PRLR: variants seen among roughly 807,000 people sequenced by gnomAD.
PRLR encodes the protein prolactin receptor.
Under a neutral mutation model 40.2 loss-of-function variants are expected in PRLR, and 13 were observed. That is an observed-to-expected ratio of 0.32 (90% CI 0.21 to 0.51). The LOEUF (loss-of-function observed/expected upper bound fraction) is 0.51, where lower values mean the gene tolerates loss of function less well. Among genes scored for constraint, PRLR ranks in the 20% least tolerant of loss-of-function variants. The probability of loss-of-function intolerance (pLI) is 0.97; values close to 1 mark genes in which losing one functional copy is unlikely to be tolerated. For missense variants in PRLR, 656 were observed against 747.3 expected, an observed-to-expected ratio of 0.88 and a Z score of 1.42; for synonymous variants, 269 against 278.7, an observed-to-expected ratio of 0.97 and a Z score of 0.35.
chr5:35,174,113 G>A lies in PRLR; in HGVS notation c.-105-55991C>T, dbSNP rs146826545. On this transcript the variant is annotated intron_variant, in intron 1 of 9. Transcript: ENST00000618457. Reference sequence around the variant, plus strand: ...TTTTTTTTTTTTTTTGCTAAGAGACGGAGTCTCACTCTGTCACCCAAGCTA... The same window carrying A: ...TTTTTTTTTTTTTTTGCTAAGAGACAGAGTCTCACTCTGTCACCCAAGCTA... 1.2e-3 allele frequency among the ~76,000 whole-genome samples: 182 copies of A among 148,846 alleles called. 1 individual carries two copies. In the East Asian group the frequency reaches 0.029, roughly 24 times the overall value.
chr5:35,087,962 G>A (rs573587371), intron 3 of PRLR, among the ~76,000 whole-genome samples: 12 of 152,308 alleles, frequency 7.9e-5, no homozygotes, highest in African/African-American at 2.9e-4. Context: ...AGCACCTCCG[G>A]GGGTTCTCTC....
intron 2 of PRLR, among the ~76,000 whole-genome samples, chr5:35,108,789 C>T (rs1201110163): frequency 6.6e-6 from 1 of 152,144 alleles, no homozygotes. Flanking sequence ...GGCCATACTG[C>T]CCAAAGTAAT....
intron 1 of PRLR, among the ~76,000 whole-genome samples, chr5:35,213,118 A>G (rs1323075344): frequency 2.0e-5 from 3 of 152,188 alleles, no homozygotes; most frequent in African/African-American, 7.2e-5. Context: ...ATCATATCCT[A>G]TCTAAAATTC....
intron 1 of PRLR, among the ~76,000 whole-genome samples, chr5:35,220,722 A>G (rs142133168): frequency 1.5e-4 from 23 of 152,268 alleles, no homozygotes; most frequent in African/African-American, 5.5e-4. Flanking sequence ...TGCCCATGAT[A>G]GTTGACTAAC....
chr5:35,104,597 C>T lies in PRLR; in HGVS notation c.-44+13464G>A, dbSNP rs184905711. ...TATCCTGCCCCTGACTCGGAGGGTCCTATGCCCACGGAGCCTCGCTCACTG... is the reference window on the plus strand; with the variant it reads ...TATCCTGCCCCTGACTCGGAGGGTCTTATGCCCACGGAGCCTCGCTCACTG... On this transcript the variant is annotated intron_variant, in intron 2 of 9. Coordinates refer to ENST00000618457, the MANE Select transcript of PRLR (RefSeq NM_000949.7). 2.4e-4 allele frequency among the ~76,000 whole-genome samples: 36 copies of T among 152,242 alleles called. 2 individuals are homozygous for T. The East Asian group carries it at 6.6e-3, about 28-fold the overall frequency.
At chr5:35,224,140 T>C (rs1587610) in intron 1 of PRLR, among the ~76,000 whole-genome samples, 89,116 of 151,926 alleles carry the variant, frequency 0.59, 27,545 homozygotes, top group Non-Finnish European at 0.7. Flanking sequence ...GGGCTCCCCA[T>C]CCCTAGAAGA....
At chr5:35,068,704 A>C in intron 8 of PRLR, 75 bp downstream of exon 8, 1 of 1,153,182 alleles carries the variant, frequency 8.7e-7, no homozygotes, top group Non-Finnish European at 1.3e-6. Context: ...GGTTTCCATC[A>C]TCTTTGTATT....
chr5:35,162,360 T>C (rs1478061574), intron 1 of PRLR, among the ~76,000 whole-genome samples: 1 of 152,214 alleles, frequency 6.6e-6, no homozygotes, highest in Non-Finnish European at 1.5e-5. Context: ...CTCAAATTCA[T>C]AGGGCTCAAC....
chr5:35,181,598 C>G (rs1775299321), intron 1 of PRLR, among the ~76,000 whole-genome samples: 1 of 152,170 alleles, frequency 6.6e-6, no homozygotes, highest in African/African-American at 2.4e-5. Context: ...TTCATAACAT[C>G]AGAACTCATT....
intron 2 of PRLR, among the ~76,000 whole-genome samples, chr5:35,117,368 G>A (rs1773085130): frequency 6.6e-6 from 1 of 152,154 alleles, no homozygotes; most frequent in Non-Finnish European, 1.5e-5. Context: ...AACTTCCTCT[G>A]AATGAGAGAG....
At chr5:35,077,395 G>T (rs564501744) in intron 5 of PRLR, among the ~76,000 whole-genome samples, 1 of 152,102 alleles carries the variant, frequency 6.6e-6, no homozygotes, top group Non-Finnish European at 1.5e-5. Flanking sequence ...AAAAGCAGGG[G>T]TTGCAATCCT....
chr5:35,071,686 C>T (rs1379261101), intron 6 of PRLR, among the ~76,000 whole-genome samples: 1 of 152,146 alleles, frequency 6.6e-6, no homozygotes, highest in Non-Finnish European at 1.5e-5. Flanking sequence ...AAATCTCTGC[C>T]TCCCAGGTTT....
intron 1 of PRLR, among the ~76,000 whole-genome samples, chr5:35,200,868 C>T (rs894738380): frequency 4.6e-5 from 7 of 152,124 alleles, no homozygotes; most frequent in East Asian, 1.9e-4. Context: ...CACAGATGAA[C>T]GGAGGCAGGG....
At chr5:35,155,278 C>T (rs897476561) in intron 1 of PRLR, among the ~76,000 whole-genome samples, 4 of 152,176 alleles carry the variant, frequency 2.6e-5, no homozygotes, top group African/African-American at 9.7e-5. Flanking sequence ...GATAGATCTA[C>T]ACTCTCTTGT....
chr5:35,224,215 T>C (rs556092491), intron 1 of PRLR, among the ~76,000 whole-genome samples: 3 of 152,236 alleles, frequency 2.0e-5, no homozygotes, highest in Admixed American at 2.0e-4. Flanking sequence ...TCTGTGCCTC[T>C]GTACTTTCTC....
chr5:35,086,318 A>G lies in PRLR; in HGVS notation c.93T>C (p.Pro31=). The G allele has an allele frequency of 6.2e-7, 1 of 1,612,422 alleles. No homozygotes were observed. Among genetic ancestry groups the G allele is most frequent in the South Asian group, 1.1e-5 (1 of 91,042 alleles). ...LLNGQLPPGK[P]EIFKCRSPNK... ...TGGGAGAACGACATTTAAAGATCTC[A>G]GGTTTTCCAGGAGGTAACTGTCCTA... Residue 31 remains proline, a synonymous_variant, in exon 4 of 10, where the codon CCT becomes CCC. Coordinates refer to ENST00000618457, the MANE Select transcript of PRLR (RefSeq NM_000949.7).
intron 6 of PRLR, among the ~76,000 whole-genome samples, chr5:35,071,085 A>G (rs61563078): frequency 0.1 from 15,705 of 152,154 alleles, 1,327 homozygotes; most frequent in African/African-American, 0.23. Flanking sequence ...TCAACCAGAT[A>G]GTTTTTGACA....
chr5:35,189,153 G>A (rs1031313033), intron 1 of PRLR, among the ~76,000 whole-genome samples: 1 of 152,162 alleles, frequency 6.6e-6, no homozygotes, highest in Non-Finnish European at 1.5e-5. Flanking sequence ...TGCAAGCCAA[G>A]TAACACTAAG....
chr5:35,078,944 C>A (rs951820832), intron 5 of PRLR, among the ~76,000 whole-genome samples: 1 of 152,116 alleles, frequency 6.6e-6, no homozygotes, highest in Non-Finnish European at 1.5e-5. Context: ...AGAAACAGAA[C>A]CAAAGACAAA....
Sources: gnomAD v4.1 joint callset for allele counts (sites outside exome capture counted in the v4.1 genomes callset) on GRCh38, gnomAD v4.1.1 for gene constraint, MANE v1.5 for transcripts, NCBI Gene and HGNC (gene_info 2026-07-23, HGNC 2026-07-21) for gene names.